METTL22: variants seen among roughly 807,000 people sequenced by gnomAD.
The protein encoded by METTL22 is methyltransferase-like protein 22.
In METTL22, 51 loss-of-function variants were observed where a neutral mutation model predicts 48.4. The ratio of observed to expected loss-of-function variants is 1.05; its 90% CI spans 0.84 to 1.33. The LOEUF is 1.33. METTL22 is among the 40% of genes most tolerant of loss of function. The pLI is 0.00. For missense variants in METTL22, 678 were observed against 526.9 expected (o/e 1.29, Z -2.81); for synonymous variants, 255 against 214.1 (o/e 1.19, Z -1.67).
chr16:8,646,172 C>T lies in METTL22; in HGVS notation c.*29C>T, dbSNP rs971792236. ...ATCGCCTCCACAAGGCGCGGCGTCT[C>T]GACTGTTCTTAGAGTGTATTTCTAG... On this transcript the variant is annotated 3_prime_UTR_variant, in exon 11 of 11. Coordinates refer to ENST00000381920, the MANE Select transcript of METTL22 (RefSeq NM_024109.4). 15 of 1,613,368 alleles carry T rather than the reference C, an allele frequency of 9.3e-6. No individual in the cohort carries two copies. Among genetic ancestry groups the T allele is most frequent in the South Asian group, 3.3e-5 (3 of 91,056 alleles).
Position 8,646,803 on chromosome 16 carries a change from G to A in METTL22, c.*660G>A, listed in dbSNP as rs1443134013. On this transcript the variant is annotated 3_prime_UTR_variant, in exon 11 of 11. Coordinates refer to ENST00000381920, the MANE Select transcript of METTL22 (RefSeq NM_024109.4). Reference sequence around the variant, plus strand: ...GTTTGTGCAGTGATCTTCCTCAGAGGTGTTCCCTTCCGCCTGGACTCATTT... The same window carrying A: ...GTTTGTGCAGTGATCTTCCTCAGAGATGTTCCCTTCCGCCTGGACTCATTT... 2.5e-6 allele frequency: 1 copy of A among 400,966 alleles called. No individual in the cohort carries two copies. The highest frequency in any genetic ancestry group is 7.2e-5 in the East Asian group (1 of 13,862). The allele number at this position is 400,966 out of a possible 1,614,324, so 24.8% of individuals were successfully genotyped here. A position where few individuals can be genotyped will look rare whatever the true frequency, so the allele number is the denominator to read the frequency against.
Position 8,642,187 on chromosome 16 carries a change from C to G in METTL22, c.887C>G (p.Thr296Ser). 1 of 1,613,530 alleles carries G rather than the reference C, an allele frequency of 6.2e-7. No individual in the cohort carries two copies. Among genetic ancestry groups the G allele is most frequent in the South Asian group, 1.1e-5 (1 of 91,074 alleles). The change falls in exon 8 of 11, where the codon ACC becomes AGC. Residue 296 changes from threonine to serine, a missense_variant. Coordinates refer to ENST00000381920, the MANE Select transcript of METTL22 (RefSeq NM_024109.4). Reference sequence around the variant, plus strand: ...ATTTCTGACTTGTACGATCACACCACCATCCTGTTTGCAGCCGAAGGTAAG... The same window carrying G: ...ATTTCTGACTTGTACGATCACACCAGCATCCTGTTTGCAGCCGAAGGTAAG... ...EEISDLYDHT[T>S]ILFAAEVFYD... is the part of the protein sequence containing the mutation.
chr16:8,656,705 C>T, the METTL22 span, among the ~76,000 whole-genome samples: 6 of 152,258 alleles, frequency 3.9e-5, no homozygotes, highest in Non-Finnish European at 8.8e-5. Context: ...CAATGCCCTC[C>T]TGACAACCCA....
In METTL22 at chr16:8,642,457, C is replaced by T. The variant is rs1456854805; in HGVS notation, c.908-6C>T. 2 of 1,613,884 alleles carry T rather than the reference C, an allele frequency of 1.2e-6. No individual in the cohort carries two copies. Among genetic ancestry groups the T allele is most frequent in the Non-Finnish European group, 1.7e-6 (2 of 1,179,800 alleles). On this transcript the variant is annotated splice_region_variant and splice_polypyrimidine_tract_variant and intron_variant, in intron 8 of 10. Transcript: ENST00000381920. ...CCTCTAATGCTGGCCTTTTTGCTTC[C>T]CACAGTGTTTTACGACGACGACTTG...
At chr16:8,661,420 G>A in the METTL22 span, among the ~76,000 whole-genome samples, 2 of 149,698 alleles carry the variant, frequency 1.3e-5, no homozygotes, top group Admixed American at 6.7e-5. Flanking sequence ...GCCAAGGCGG[G>A]CAGATCACGA....
chr16:8,635,357 C>G (rs1055553698), intron 5 of METTL22, 45 bp downstream of exon 5: 1 of 1,504,432 alleles, frequency 6.6e-7, no homozygotes, highest in Non-Finnish European at 8.8e-7. Flanking sequence ...GTCACCTTCA[C>G]AAAGCATGCA....
At chr16:8,641,042 A>G in intron 6 of METTL22, 89 bp from the exon 7 acceptor site, 1 of 1,260,136 alleles carries the variant, frequency 7.9e-7, no homozygotes, top group South Asian at 1.3e-5. Context: ...GGGTGGATAG[A>G]TGGATCTTCA....
chr16:8,622,313 C>G (rs1424527267), intron 1 of METTL22, among the ~76,000 whole-genome samples: 3 of 152,208 alleles, frequency 2.0e-5, no homozygotes, highest in Non-Finnish European at 4.4e-5. Context: ...ATTTCAACAC[C>G]GTGATCCCAG....
chr16:8,642,670 C>G, intron 9 of METTL22, 105 bp downstream of exon 9: 1 of 1,083,892 alleles, frequency 9.2e-7, no homozygotes, highest in Middle Eastern at 2.2e-4. Context: ...TACTCAGTGC[C>G]ACTTATTGAG....
At chr16:8,640,977 G>GCTGT (rs1291490158) in intron 6 of METTL22, among the ~76,000 whole-genome samples, 154 bp from the exon 7 acceptor site, 6 of 136,064 alleles carry the variant, frequency 4.4e-5, no homozygotes, top group Admixed American at 1.5e-4. Flanking sequence ...TGGCTGGCTG[G>GCTGT]CTGGCTGTAA....
In METTL22 at chr16:8,648,376, C is replaced by G. The variant is rs1243796813; in HGVS notation, c.*2233C>G. The G allele has an allele frequency of 6.6e-6, 1 of 151,940 alleles. No individual in the cohort carries two copies. The highest frequency in any genetic ancestry group is 1.9e-4 in the East Asian group (1 of 5,130). The allele number at this position is 151,940 out of a possible 1,614,324, so 9.4% of individuals were successfully genotyped here. ...GGCATGGTGGCTCATGCCTGTCATC[C>G]CAGCACTTTGGGAGGCCGAGGCGGG... On this transcript the variant is annotated 3_prime_UTR_variant, in exon 11 of 11. Transcript: ENST00000381920.
chr16:8,660,305 C>G, the METTL22 span, among the ~76,000 whole-genome samples: 3 of 151,966 alleles, frequency 2.0e-5, no homozygotes, highest in East Asian at 1.9e-4. Flanking sequence ...GCCTCCCAAG[C>G]TGGAACTACA....
chr16:8,630,241 C>T (rs185538180), intron 3 of METTL22, among the ~76,000 whole-genome samples: 80 of 152,324 alleles, frequency 5.3e-4, no homozygotes, highest in African/African-American at 1.8e-3. Context: ...ACCAAGCAGC[C>T]TCTGTTCTAG....
intron 3 of METTL22, 148 bp downstream of exon 3, chr16:8,629,258 C>G (rs570918307): frequency 1.1e-5 from 11 of 1,030,958 alleles, no homozygotes; most frequent in South Asian, 1.5e-5. Context: ...GGGAAGCTCT[C>G]CACAACCCCG....
intron 7 of METTL22, chr16:8,641,752 T>C (rs2056625912): frequency 2.4e-6 from 1 of 410,150 alleles, no homozygotes. Context: ...CCAATAGTCC[T>C]GTGAGGAAGT....
In METTL22 at chr16:8,644,673, C is replaced by A; in HGVS notation, c.1127C>A (p.Pro376His). 3 of 1,605,564 alleles carry A rather than the reference C, an allele frequency of 1.9e-6. No homozygotes were observed. Among genetic ancestry groups the A allele is most frequent in the Non-Finnish European group, 1.7e-6 (2 of 1,176,134 alleles). The change falls in exon 10 of 11, where the codon CCC (proline) becomes CAC (histidine). Residue 376 changes from proline to histidine, a missense_variant. Transcript: ENST00000381920. ...GGCAAGCTGCGCTTCGTGGTGGAGC[C>A]CGTGGAGGCCTCCTTCCCACAGCTC... ...ADGKLRFVVE[P>H]VEASFPQLLV...
At chr16:8,637,491 T>G (rs1209808337) in intron 5 of METTL22, among the ~76,000 whole-genome samples, 1 of 152,204 alleles carries the variant, frequency 6.6e-6, no homozygotes, top group African/African-American at 2.4e-5. Context: ...AAAAGTCCTT[T>G]CAGATGCATC....
downstream of METTL22, chr16:8,649,753 A>C (rs2056866088): frequency 6.6e-6 from 1 of 152,202 alleles, no homozygotes; most frequent in African/African-American, 2.4e-5. Context: ...GCAGTGAGCC[A>C]AGACTGCGCC....
chr16:8,627,939 C>T (rs1436388326), intron 2 of METTL22, among the ~76,000 whole-genome samples: 1 of 152,160 alleles, frequency 6.6e-6, no homozygotes, highest in East Asian at 1.9e-4. Context: ...GGGGATTTAC[C>T]ATGTTGCCCA....
Sources: allele counts gnomAD v4.1 joint callset (sites outside exome capture counted in the v4.1 genomes callset), GRCh38; gene constraint gnomAD v4.1.1; transcripts MANE v1.5; gene names NCBI Gene and HGNC (gene_info 2026-07-23, HGNC 2026-07-21).